Variants in MSH4 observed in about 807,000 individuals in gnomAD.
The protein encoded by MSH4 is mutS protein homolog 4.
In MSH4, 106 loss-of-function variants were observed where a neutral mutation model predicts 113.7. The observed-to-expected ratio is 0.93, with a 90% CI of 0.80 to 1.10. The LOEUF is 1.10. MSH4 is among the 50% of genes least tolerant of loss of function. The probability of loss-of-function intolerance (pLI) is 0.00; values close to 1 mark genes in which losing one functional copy is unlikely to be tolerated. For missense variants in MSH4, 1,061 were observed against 1,093.7 expected (o/e 0.97, Z 0.42); for synonymous variants, 368 against 380.2 (o/e 0.97, Z 0.37).
intron 7 of MSH4, among the ~76,000 whole-genome samples, chr1:75,833,005 G>A (rs1272073243): frequency 6.6e-6 from 1 of 152,142 alleles, no homozygotes; most frequent in African/African-American, 2.4e-5. Context: ...GTCCCTGTTT[G>A]CAGATGTCAT....
At chr1:75,907,669 T>TCTCG (rs1652689604) in intron 19 of MSH4, among the ~76,000 whole-genome samples, 2 of 91,032 alleles carry the variant, frequency 2.2e-5, no homozygotes, top group Non-Finnish European at 4.2e-5. Flanking sequence ...TATCTCTCTC[T>TCTCG]CTCTCTCTCT....
Position 75,867,570 on chromosome 1 carries a change from A to G in MSH4, c.1287A>G (p.Glu429=). The change falls in exon 9 of 20, where the codon GAA becomes GAG. Residue 429 remains glutamate (E), a synonymous_variant. Transcript: ENST00000263187. ...TAATATACTTAAAACATACCTTGGAACTTGTGGATCCTTTAAAGGTAATTT... is the reference window on the plus strand; with the variant it reads ...TAATATACTTAAAACATACCTTGGAGCTTGTGGATCCTTTAAAGGTAATTT... ...TNLIYLKHTL[E]LVDPLKIAMK... 6.3e-7 allele frequency: 1 copy of G among 1,577,774 alleles called. No homozygotes were observed. The highest frequency in any genetic ancestry group is 8.7e-7 in the Non-Finnish European group (1 of 1,153,360).
intron 19 of MSH4, among the ~76,000 whole-genome samples, chr1:75,902,112 G>A (rs10873787): frequency 0.2 from 30,464 of 151,964 alleles, 3,206 homozygotes; most frequent in Middle Eastern, 0.27. Flanking sequence ...TTCCAGTGGA[G>A]CAATGTACTC....
intron 9 of MSH4, among the ~76,000 whole-genome samples, chr1:75,874,174 G>T (rs1651769280): frequency 6.6e-6 from 1 of 152,160 alleles, no homozygotes; most frequent in African/African-American, 2.4e-5. Flanking sequence ...CTAATGATCA[G>T]TGATATTGAG....
chr1:75,829,400 A>G (rs1025130738), intron 7 of MSH4, among the ~76,000 whole-genome samples: 2 of 152,202 alleles, frequency 1.3e-5, no homozygotes, highest in Non-Finnish European at 2.9e-5. Context: ...ACTTCTGCAG[A>G]CTTAAACATC....
intron 19 of MSH4, among the ~76,000 whole-genome samples, chr1:75,901,844 G>C (rs566929960): frequency 6.6e-6 from 1 of 151,978 alleles, no homozygotes; most frequent in Non-Finnish European, 1.5e-5. Context: ...TTGGATAAAA[G>C]CTATCTTAAC....
intron 19 of MSH4, among the ~76,000 whole-genome samples, chr1:75,903,342 G>T (rs535880130): frequency 6.6e-6 from 1 of 152,076 alleles, no homozygotes; most frequent in African/African-American, 2.4e-5. Context: ...GGCTGTAAAT[G>T]CTTGGACTTA....
At chr1:75,813,886 G>T (rs1390144521) in intron 4 of MSH4, among the ~76,000 whole-genome samples, 4 of 151,934 alleles carry the variant, frequency 2.6e-5, no homozygotes, top group Non-Finnish European at 2.9e-5. Flanking sequence ...AAAGCAATAT[G>T]AAGTATAAGG....
At chr1:75,845,970 G>A (rs1651066483) in intron 7 of MSH4, among the ~76,000 whole-genome samples, 2 of 152,200 alleles carry the variant, frequency 1.3e-5, no homozygotes, top group South Asian at 4.1e-4. Context: ...TGCAGAATTA[G>A]CACCATGTGG....
At chr1:75,868,402 C>A (rs182359353) in intron 9 of MSH4, among the ~76,000 whole-genome samples, 51 of 152,126 alleles carry the variant, frequency 3.4e-4, no homozygotes, top group Non-Finnish European at 6.6e-4. Context: ...ATGGCTCTTA[C>A]CTGAAGTAAT....
At position 75,867,515 on chromosome 1, in the gene MSH4, T is replaced by C. The variant is rs1651613464; in HGVS notation, c.1232T>C (p.Val411Ala). Residue 411 changes from valine to alanine, a missense_variant and splice_region_variant, in exon 9 of 20, where the codon GTC (valine) becomes GCC (alanine). By Grantham distance (64) the Val-to-Ala change is moderately conservative. Coordinates refer to ENST00000263187, the MANE Select transcript of MSH4 (RefSeq NM_002440.4). ...AAATTTGGGTTTTTATCTTAACAGG[T>C]CAATGCTGCTGAATCAAAGATAACA... The part of the protein sequence containing the change: ...VLVQIPKQDT[V>A]NAAESKITNL... 1 of 1,583,148 alleles carries C rather than the reference T, an allele frequency of 6.3e-7. No individual in the cohort carries two copies. The highest frequency in any genetic ancestry group is 1.4e-5 in the African/African-American group (1 of 73,918).
chr1:75,882,689 A>T (rs1651961361), intron 14 of MSH4, among the ~76,000 whole-genome samples: 2 of 129,172 alleles, frequency 1.5e-5, no homozygotes, highest in Non-Finnish European at 3.3e-5. Context: ...AAAAAAAAAA[A>T]TCGGTGAGAA....
At chr1:75,876,284 G>A (rs1446471092) in intron 9 of MSH4, among the ~76,000 whole-genome samples, 1 of 151,886 alleles carries the variant, frequency 6.6e-6, no homozygotes, top group African/African-American at 2.4e-5. Context: ...TTTATCTTTG[G>A]ACAATAGTAG....
intron 9 of MSH4, among the ~76,000 whole-genome samples, chr1:75,867,843 A>G (rs879755773): frequency 6.6e-6 from 1 of 152,026 alleles, no homozygotes; most frequent in Non-Finnish European, 1.5e-5. Context: ...CAACAAAAAG[A>G]TGTTCTCTTA....
intron 9 of MSH4, among the ~76,000 whole-genome samples, chr1:75,876,141 T>G (rs1240427702): frequency 6.6e-6 from 1 of 152,058 alleles, no homozygotes; most frequent in Non-Finnish European, 1.5e-5. Context: ...AAATCCAGAA[T>G]CTGGAACTTC....
chr1:75,826,583 C>G (rs1226213614), intron 7 of MSH4, among the ~76,000 whole-genome samples: 2 of 152,160 alleles, frequency 1.3e-5, no homozygotes, highest in East Asian at 3.8e-4. Flanking sequence ...TTTCCACTCT[C>G]TGATGTGGGC....
At chr1:75,839,387 G>T (rs1650901120) in intron 7 of MSH4, among the ~76,000 whole-genome samples, 1 of 151,878 alleles carries the variant, frequency 6.6e-6, no homozygotes, top group Admixed American at 6.6e-5. Flanking sequence ...GCTAATTTTT[G>T]TATTTTTAAT....
chr1:75,897,860 A>G, intron 17 of MSH4, 47 bp from the exon 18 acceptor site: 1 of 1,181,306 alleles, frequency 8.5e-7, no homozygotes. Flanking sequence ...AGAATTTTCT[A>G]GTTAATTTTT....
chr1:75,888,917 C>T (rs1381574239), intron 15 of MSH4, among the ~76,000 whole-genome samples: 2 of 130,516 alleles, frequency 1.5e-5, no homozygotes, highest in South Asian at 2.3e-4. Flanking sequence ...TTTTTTGAGA[C>T]GGAGTCTCAT....
Sources: allele counts gnomAD v4.1 joint callset (sites outside exome capture counted in the v4.1 genomes callset), GRCh38; gene constraint gnomAD v4.1.1; transcripts MANE v1.5; gene names NCBI Gene and HGNC (gene_info 2026-07-23, HGNC 2026-07-21).